The following SLC17A4 variants were observed in gnomAD, a reference collection of about 807,000 sequenced individuals.
SLC17A4 encodes the protein probable small intestine urate exporter.
Under a neutral mutation model 52.5 loss-of-function variants are expected in SLC17A4, and 33 were observed. The observed-to-expected ratio is 0.63, with a 90% CI of 0.48 to 0.84. The LOEUF (loss-of-function observed/expected upper bound fraction) is 0.84, where lower values mean the gene tolerates loss of function less well. Ranked by LOEUF, SLC17A4 falls within the 40% of genes least tolerant of loss-of-function variation. The pLI is 0.00. For missense variants in SLC17A4, 585 were observed against 597.1 expected (o/e 0.98, Z 0.21); for synonymous variants, 225 against 216.2 (o/e 1.04, Z -0.36).
chr6:25,767,409 T>A (rs1228019642), intron 2 of SLC17A4, among the ~76,000 whole-genome samples: 1 of 152,154 alleles, frequency 6.6e-6, no homozygotes, highest in Non-Finnish European at 1.5e-5. Flanking sequence ...TCAGTTGTTA[T>A]CACAGTGCCT....
At chr6:25,765,212 A>G (rs1761906773) in intron 2 of SLC17A4, among the ~76,000 whole-genome samples, 1 of 152,228 alleles carries the variant, frequency 6.6e-6, no homozygotes, top group Non-Finnish European at 1.5e-5. Context: ...AAAGAAATTG[A>G]CAGGTACACT....
chr6:25,769,133 G>T lies in SLC17A4; in HGVS notation c.240G>T (p.Arg80=), dbSNP rs771699844. ...PPSQPNASTE[R]PSTDSQGYWN... is the part of the protein sequence containing the mutation. The stretch of plus-strand genomic sequence containing the variant: ...GCCAGCCCAATGCTTCCACAGAACG[G>T]CCCTCCACTGACTCCCAGGGCTACT... The change falls in exon 3 of 12, where the codon CGG becomes CGT. Residue 80 remains arginine, a synonymous_variant. Transcript: ENST00000377905. The T allele has an allele frequency of 6.2e-7, 1 of 1,614,002 alleles. No homozygotes were observed. Among genetic ancestry groups the T allele is most frequent in the African/African-American group, 1.3e-5 (1 of 74,986 alleles).
At chr6:25,756,037 A>C (rs984219159) in intron 1 of SLC17A4, among the ~76,000 whole-genome samples, 1 of 152,172 alleles carries the variant, frequency 6.6e-6, no homozygotes, top group Non-Finnish European at 1.5e-5. Flanking sequence ...CAACACTTGT[A>C]CAGGTGAAGA....
At chr6:25,772,613 C>G (rs995134069) in intron 6 of SLC17A4, among the ~76,000 whole-genome samples, 6 of 152,160 alleles carry the variant, frequency 3.9e-5, no homozygotes, top group Non-Finnish European at 4.4e-5. Context: ...GCTGAGGATT[C>G]ATTTCATTTC....
intron 2 of SLC17A4, among the ~76,000 whole-genome samples, chr6:25,768,083 A>G (rs907129147): frequency 3.9e-5 from 6 of 152,192 alleles, no homozygotes; most frequent in Admixed American, 6.5e-5. Context: ...TCTTAATTTA[A>G]TCTGTCATAT....
intron 6 of SLC17A4, 106 bp from the exon 7 acceptor site, chr6:25,773,169 T>G: frequency 1.2e-6 from 1 of 827,246 alleles, no homozygotes; most frequent in Non-Finnish European, 2.1e-6. Context: ...CCAGGAAGAG[T>G]GGTGTACTGA....
chr6:25,779,113 C>G lies in SLC17A4; in HGVS notation c.1419C>G (p.Gly473=), dbSNP rs761499091. The G allele has an allele frequency of 2.7e-5, 44 of 1,613,762 alleles. No individual in the cohort carries two copies. The highest frequency in any genetic ancestry group is 3.5e-5 in the Non-Finnish European group (41 of 1,179,830). The part of the protein sequence containing the change: ...FLLSAAVNIS[G]LVFYLIFGRA... The stretch of plus-strand genomic sequence containing the variant: ...TTTCAGCTGCTGTTAACATATCGGG[C>G]CTGGTTTTCTACCTCATCTTTGGCC... Residue 473 remains glycine, a synonymous_variant, in exon 12 of 12, where the codon GGC becomes GGG. Coordinates refer to ENST00000377905, the MANE Select transcript of SLC17A4 (RefSeq NM_005495.3).
At position 25,780,719 on chromosome 6, in the gene SLC17A4, G is replaced by C. The variant is rs1306990914; in HGVS notation, c.*1531G>C. 6.6e-6 allele frequency: 1 copy of C among 152,206 alleles called. No homozygotes were observed. Among genetic ancestry groups the C allele is most frequent in the Non-Finnish European group, 1.5e-5 (1 of 68,070 alleles). 9.4% of individuals were successfully genotyped at this position (152,206 alleles called of 1,614,324 possible). A position where few individuals can be genotyped will look rare whatever the true frequency, so the allele number is the denominator to read the frequency against. On this transcript the variant is annotated 3_prime_UTR_variant, in exon 12 of 12. Coordinates refer to ENST00000377905, the MANE Select transcript of SLC17A4 (RefSeq NM_005495.3). ...CATGAGAGATTAGGTTGGAGTAGGAGCTTACAGTGTAGTCCAGGAGAGAAC... is the reference window on the plus strand; with the variant it reads ...CATGAGAGATTAGGTTGGAGTAGGACCTTACAGTGTAGTCCAGGAGAGAAC...
At chr6:25,758,670 A>G (rs1464101381) in intron 1 of SLC17A4, among the ~76,000 whole-genome samples, 1 of 151,842 alleles carries the variant, frequency 6.6e-6, no homozygotes, top group Non-Finnish European at 1.5e-5. Flanking sequence ...GCTTATTTGG[A>G]TCTTCTCTCT....
chr6:25,770,031 A>C, intron 3 of SLC17A4, 36 bp from the exon 4 acceptor site: 1 of 1,588,770 alleles, frequency 6.3e-7, no homozygotes, highest in Non-Finnish European at 8.6e-7. Context: ...TCAATCCTTC[A>C]ACTAAAGACA....
chr6:25,773,013 A>G (rs1762605871), intron 6 of SLC17A4, among the ~76,000 whole-genome samples: 1 of 152,246 alleles, frequency 6.6e-6, no homozygotes, highest in African/African-American at 2.4e-5. Context: ...GCAAGACCCA[A>G]GAGGATAAGT....
At chr6:25,761,489 C>T (rs1761526156) in intron 1 of SLC17A4, among the ~76,000 whole-genome samples, 1 of 152,160 alleles carries the variant, frequency 6.6e-6, no homozygotes, top group Admixed American at 6.5e-5. Flanking sequence ...ACTGTCTTTG[C>T]AGCTACGTAA....
At chr6:25,769,229 A>C in intron 3 of SLC17A4, 39 bp downstream of exon 3, 1 of 1,548,506 alleles carries the variant, frequency 6.5e-7, no homozygotes, top group Non-Finnish European at 8.9e-7. Flanking sequence ...CTTTGACTCA[A>C]ATAATTTGAC....
intron 3 of SLC17A4, among the ~76,000 whole-genome samples, chr6:25,769,528 G>C (rs1015783205): frequency 6.6e-6 from 1 of 151,130 alleles, no homozygotes; most frequent in African/African-American, 2.4e-5. Flanking sequence ...ACTGCACTCC[G>C]GTCTGGGTGA....
intron 1 of SLC17A4, among the ~76,000 whole-genome samples, chr6:25,759,902 T>C (rs538679760): frequency 1.0e-3 from 154 of 152,358 alleles, no homozygotes; most frequent in Middle Eastern, 3.4e-3. Flanking sequence ...CATTTAACTA[T>C]GCAAATATTA....
intron 10 of SLC17A4, chr6:25,777,192 T>C: frequency 2.0e-6 from 1 of 488,630 alleles, no homozygotes; most frequent in Non-Finnish European, 3.6e-6. Context: ...ATGCTCAGAG[T>C]CAACTGAGGG....
Position 25,767,744 on chromosome 6 carries a change from G to T in SLC17A4, c.92-1241G>T, listed in dbSNP as rs1014893055. On this transcript the variant is annotated intron_variant, in intron 2 of 11. Coordinates refer to ENST00000377905, the MANE Select transcript of SLC17A4 (RefSeq NM_005495.3). ...TGCCCATTCTTACCATTCCTGCTTT[G>T]TCCATTTTTTTGAAAATGCTGGTGA... Among the ~76,000 whole-genome samples the T allele has an allele frequency of 2.6e-5, 4 of 152,084 alleles. No individual in the cohort carries two copies. The East Asian group carries it at 7.7e-4, about 29-fold the overall frequency.
intron 6 of SLC17A4, among the ~76,000 whole-genome samples, chr6:25,772,763 G>T (rs1762587043): frequency 6.6e-6 from 1 of 152,192 alleles, no homozygotes; most frequent in South Asian, 2.1e-4. Context: ...GAGGGATGCT[G>T]ACTGGTACGT....
At chr6:25,768,879 A>G (rs915811798) in intron 2 of SLC17A4, 106 bp from the exon 3 acceptor site, 1 of 1,041,334 alleles carries the variant, frequency 9.6e-7, no homozygotes, top group African/African-American at 1.6e-5. Flanking sequence ...TGCTCTCCCT[A>G]TATTTCTGCA....
Sources: gnomAD v4.1 joint callset for allele counts (sites outside exome capture counted in the v4.1 genomes callset) on GRCh38, gnomAD v4.1.1 for gene constraint, MANE v1.5 for transcripts, NCBI Gene and HGNC (gene_info 2026-07-23, HGNC 2026-07-21) for gene names.